Variants in AP1S3 observed in about 807,000 individuals in gnomAD.
AP1S3 encodes the protein adaptor related protein complex 1 subunit sigma 3, also known as AP-1 complex subunit sigma-3.
Under a neutral mutation model 20.9 loss-of-function variants are expected in AP1S3, and 10 were observed. That is an observed-to-expected ratio of 0.48 (90% CI 0.29 to 0.81). The LOEUF (loss-of-function observed/expected upper bound fraction) is 0.81, where lower values mean the gene tolerates loss of function less well. Ranked by LOEUF, AP1S3 falls within the 30% of genes least tolerant of loss-of-function variation. The pLI, the probability that AP1S3 is intolerant of heterozygous loss-of-function variation, is 0.08. For synonymous variants in AP1S3, 41 were observed against 61.5 expected, an observed-to-expected ratio of 0.67 and a Z score of 1.56; for missense variants, 154 against 183.8, an observed-to-expected ratio of 0.84 and a Z score of 0.94.
At chr2:223,777,248 A>C (rs1202637555) in intron 2 of AP1S3, among the ~76,000 whole-genome samples, 1 of 152,224 alleles carries the variant, frequency 6.6e-6, no homozygotes, top group Non-Finnish European at 1.5e-5. Context: ...TACAAAAATT[A>C]GTCAGGCATA....
rs185644997 is a variant in AP1S3 at position 223,761,981 on chromosome 2, T to C, written c.430-3231A>G. Among the ~76,000 whole-genome samples the C allele has an allele frequency of 3.5e-4, 53 of 151,928 alleles. No homozygotes were observed. The East Asian group carries it at 9.4e-3, about 27-fold the overall frequency. On this transcript the variant is annotated intron_variant, in intron 4 of 4. Transcript: ENST00000396654. Reference sequence around the variant, plus strand: ...ATCGCCTTTGAGAGTTTCATTTTCTTTTCTTTTTTGAGACAGAGTCTCACT... The same window carrying C: ...ATCGCCTTTGAGAGTTTCATTTTCTCTTCTTTTTTGAGACAGAGTCTCACT...
chr2:223,807,763 A>G (rs1275227940), intron 1 of AP1S3, among the ~76,000 whole-genome samples: 1 of 144,642 alleles, frequency 6.9e-6, no homozygotes, highest in African/African-American at 2.6e-5. Context: ...GTTTCCTGAG[A>G]CCTCCCTAGA....
chr2:223,783,987 G>A (rs955931280), intron 1 of AP1S3, among the ~76,000 whole-genome samples: 3 of 151,958 alleles, frequency 2.0e-5, no homozygotes, highest in African/African-American at 4.8e-5. Context: ...ATCCCTTAAC[G>A]CCACTGCTCT....
At chr2:223,837,182 T>G (rs1239191869) in intron 1 of AP1S3, among the ~76,000 whole-genome samples, 2 of 151,272 alleles carry the variant, frequency 1.3e-5, no homozygotes, top group Non-Finnish European at 3.0e-5. Flanking sequence ...CGGCACAGAC[T>G]AAGCACTCGG....
intron 3 of AP1S3, among the ~76,000 whole-genome samples, chr2:223,773,757 T>C (rs1690689501): frequency 6.6e-6 from 1 of 152,126 alleles, no homozygotes; most frequent in African/African-American, 2.4e-5. Flanking sequence ...AAAACTCTGC[T>C]GGAAGCAAAT....
rs1484818905 is a variant in AP1S3, at chr2:223,757,083, G to C, written c.*1632C>G. ...TGGCTCACTGCAACCTCTGCCTCCT[G>C]GGTTCAAGCCATTCCCCTGCCTCAG... On this transcript the variant is annotated 3_prime_UTR_variant, in exon 5 of 5. Coordinates refer to ENST00000396654, the MANE Select transcript of AP1S3 (RefSeq NM_001039569.2). 1.3e-6 allele frequency: 1 copy of C among 791,624 alleles called. No homozygotes were observed. Among genetic ancestry groups the C allele is most frequent in the African/African-American group, 1.9e-5 (1 of 53,080 alleles). The allele number at this position is 791,624 out of a possible 1,614,324, so 49.0% of individuals were successfully genotyped here.
chr2:223,785,269 G>A (rs969589451), intron 1 of AP1S3, among the ~76,000 whole-genome samples: 3 of 152,160 alleles, frequency 2.0e-5, no homozygotes, highest in Non-Finnish European at 4.4e-5. Flanking sequence ...TTGAACCCAG[G>A]AGGTGGAGGC....
Position 223,756,004 on chromosome 2 carries a change from T to C in AP1S3, c.*2711A>G. ...TTCAAAAGAACCGGAAAAACTATGA[T>C]GGATTTACATGAGGTCCATCTTTAC... On this transcript the variant is annotated 3_prime_UTR_variant, in exon 5 of 5. Coordinates refer to ENST00000396654, the MANE Select transcript of AP1S3 (RefSeq NM_001039569.2). 3 of 985,468 alleles carry C rather than the reference T, an allele frequency of 3.0e-6. No homozygotes were observed. The highest frequency in any genetic ancestry group is 3.6e-6 in the Non-Finnish European group (3 of 829,938). 61.0% of individuals were successfully genotyped at this position (985,468 alleles called of 1,614,324 possible). A position where few individuals can be genotyped will look rare whatever the true frequency, so the allele number is the denominator to read the frequency against.
chr2:223,812,149 T>C (rs2106119253), intron 1 of AP1S3, among the ~76,000 whole-genome samples: 1 of 152,328 alleles, frequency 6.6e-6, no homozygotes, highest in Admixed American at 6.5e-5. Flanking sequence ...ATAACACAAA[T>C]ATCACATTTA....
chr2:223,807,816 A>G (rs1296151477), intron 1 of AP1S3, among the ~76,000 whole-genome samples: 1 of 142,588 alleles, frequency 7.0e-6, no homozygotes, highest in Non-Finnish European at 1.5e-5. Context: ...CTATGAGCCA[A>G]TTGAGCCTCT....
chr2:223,759,289 A>C (rs1335049287), intron 4 of AP1S3, among the ~76,000 whole-genome samples: 1 of 141,600 alleles, frequency 7.1e-6, no homozygotes, highest in African/African-American at 3.0e-5. Context: ...AAAAACAAAA[A>C]AAAAAAAGAG....
intron 1 of AP1S3, among the ~76,000 whole-genome samples, chr2:223,827,376 G>T (rs1456774709): frequency 3.3e-5 from 5 of 151,978 alleles, no homozygotes; most frequent in Non-Finnish European, 7.4e-5. Flanking sequence ...CCCAATATCT[G>T]CAGTCCATAA....
chr2:223,813,445 A>G (rs1356251118), intron 1 of AP1S3, among the ~76,000 whole-genome samples: 1 of 152,220 alleles, frequency 6.6e-6, no homozygotes, highest in Admixed American at 6.5e-5. Flanking sequence ...TAATCCCCAC[A>G]ACAAACACAT....
At position 223,832,135 on chromosome 2, in the gene AP1S3, CTGTGTGTGTG is replaced by C. The variant is rs774812162; in HGVS notation, c.3+5303_3+5312del. Among the ~76,000 whole-genome samples, 73 of 70,780 alleles carry C rather than the reference CTGTGTGTGTG, an allele frequency of 1.0e-3. 2 individuals are homozygous for C. Among genetic ancestry groups the C allele is most frequent in the Admixed American group, 3.4e-3 (23 of 6,814 alleles). 46.4% of individuals were successfully genotyped at this position (70,780 alleles called of 152,430 possible). A position where few individuals can be genotyped will look rare whatever the true frequency, so the allele number is the denominator to read the frequency against. ...GGGGATTATTAAAGGAGTTTTCTCT[CTGTGTGTGTG>C]TGTGTGTGTGTGTGTGTGTGTGTGT... On this transcript the variant is annotated intron_variant, in intron 1 of 4. Coordinates refer to ENST00000396654, the MANE Select transcript of AP1S3 (RefSeq NM_001039569.2).
intron 1 of AP1S3, among the ~76,000 whole-genome samples, chr2:223,780,114 C>T (rs1436431870): frequency 1.3e-5 from 2 of 151,406 alleles, no homozygotes; most frequent in Non-Finnish European, 1.5e-5. Context: ...CCACCTCCCC[C>T]GGCTGCCTCA....
chr2:223,758,857 G>A, intron 4 of AP1S3, 107 bp from the exon 5 acceptor site: 1 of 965,228 alleles, frequency 1.0e-6, no homozygotes, highest in South Asian at 1.9e-5. Context: ...TTGAAAACAA[G>A]TTGTCAAAAG....
intron 3 of AP1S3, among the ~76,000 whole-genome samples, chr2:223,775,264 C>A (rs753552442): frequency 6.6e-5 from 10 of 152,278 alleles, no homozygotes; most frequent in Middle Eastern, 3.4e-3. Flanking sequence ...TAGTACATCA[C>A]TTGGCAGAAA....
chr2:223,760,576 C>T (rs1393364970), intron 4 of AP1S3, among the ~76,000 whole-genome samples: 1 of 152,244 alleles, frequency 6.6e-6, no homozygotes, highest in South Asian at 2.1e-4. Flanking sequence ...TCTACAGATG[C>T]TGCCCGTGGG....
intron 4 of AP1S3, among the ~76,000 whole-genome samples, chr2:223,764,859 T>C (rs1690439115): frequency 6.6e-6 from 1 of 152,172 alleles, no homozygotes; most frequent in Admixed American, 6.5e-5. Context: ...ACTCTTGCAC[T>C]CCAAAGCTCA....
Sources: allele counts gnomAD v4.1 joint callset (sites outside exome capture counted in the v4.1 genomes callset), GRCh38; gene constraint gnomAD v4.1.1; transcripts MANE v1.5; gene names NCBI Gene and HGNC (gene_info 2026-07-23, HGNC 2026-07-21).